Variants in CDH10 observed in about 807,000 individuals in gnomAD.
The protein encoded by CDH10 is cadherin 10.
A neutral mutation model predicts 73.1 loss-of-function variants in CDH10; 30 were observed. That is an observed-to-expected ratio of 0.41 (90% CI 0.31 to 0.56). CDH10 has a LOEUF of 0.56. CDH10 is among the 20% of genes least tolerant of loss of function. The pLI is 0.27. For synonymous variants in CDH10, 345 were observed against 348.2 expected (o/e 0.99, Z 0.10); for missense variants, 815 against 973.7 (o/e 0.84, Z 2.17).
intron 2 of CDH10, among the ~76,000 whole-genome samples, chr5:24,585,192 T>TTTC (rs1745950227): frequency 6.6e-6 from 1 of 152,044 alleles, no homozygotes; most frequent in Non-Finnish European, 1.5e-5. Context: ...ACCTAGCAAG[T>TTTC]AGGCTTCTTC....
intron 1 of CDH10, among the ~76,000 whole-genome samples, chr5:24,600,234 C>T (rs1251941668): frequency 2.0e-5 from 3 of 152,072 alleles, no homozygotes; most frequent in Non-Finnish European, 4.4e-5. Flanking sequence ...TGTGTAAATC[C>T]TTCAATTATT....
At chr5:24,495,755 G>A (rs1742256825) in intron 9 of CDH10, among the ~76,000 whole-genome samples, 1 of 151,674 alleles carries the variant, frequency 6.6e-6, no homozygotes, top group Non-Finnish European at 1.5e-5. Flanking sequence ...GCTGAGGCAG[G>A]AGAATCACTT....
intron 2 of CDH10, among the ~76,000 whole-genome samples, chr5:24,569,065 G>T (rs947607054): frequency 6.6e-6 from 1 of 151,668 alleles, no homozygotes; most frequent in African/African-American, 2.4e-5. Context: ...AGCCGAGATC[G>T]CATCACTGCA....
At chr5:24,569,109 C>CAA (rs35321027) in intron 2 of CDH10, among the ~76,000 whole-genome samples, 172 of 147,326 alleles carry the variant, frequency 1.2e-3, no homozygotes, top group Middle Eastern at 3.5e-3. Context: ...GACTCTGTCT[C>CAA]AAAAAAAAAA....
chr5:24,584,354 G>A (rs184540987), intron 2 of CDH10, among the ~76,000 whole-genome samples: 1 of 151,314 alleles, frequency 6.6e-6, no homozygotes, highest in East Asian at 1.9e-4. Flanking sequence ...TATGTATGAT[G>A]GTGACTTTGA....
intron 5 of CDH10, among the ~76,000 whole-genome samples, chr5:24,532,899 G>C (rs973056108): frequency 9.2e-5 from 14 of 151,822 alleles, no homozygotes; most frequent in Non-Finnish European, 1.8e-4. Context: ...ATGAACTGTA[G>C]AACTCCCTCC....
intron 2 of CDH10, among the ~76,000 whole-genome samples, chr5:24,565,907 GAACA>G (rs1447878262): frequency 6.6e-6 from 1 of 152,034 alleles, no homozygotes; most frequent in African/African-American, 2.4e-5. Flanking sequence ...TTAGCCTCCA[GAACA>G]ATGAGAAAAT....
intron 1 of CDH10, among the ~76,000 whole-genome samples, chr5:24,631,340 A>AT (rs1405702839): frequency 1.3e-5 from 2 of 152,072 alleles, no homozygotes; most frequent in African/African-American, 4.8e-5. Context: ...AATATGGCTT[A>AT]TTTTTTATCA....
rs920008803 is a variant in CDH10 at position 24,487,479 on chromosome 5, A to G, written c.*184T>C. On this transcript the variant is annotated 3_prime_UTR_variant, in exon 12 of 12. Coordinates refer to ENST00000264463, the MANE Select transcript of CDH10 (RefSeq NM_006727.5). ...CTTGGAAGTGATTAAATAAAATGTC[A>G]TATATATTCCATGAGACATCCTACA... 8.6e-6 allele frequency: 5 copies of G among 581,848 alleles called. No individual in the cohort carries two copies. The highest frequency in any genetic ancestry group is 1.5e-5 in the Non-Finnish European group (5 of 327,508). 36.0% of individuals were successfully genotyped at this position (581,848 alleles called of 1,614,324 possible).
In CDH10 at chr5:24,507,768, G is replaced by GA. The variant is rs200228635; in HGVS notation, c.1256+1797dup. On this transcript the variant is annotated intron_variant, in intron 7 of 11. Transcript: ENST00000264463. ...TTATATAAAACTTTCAAAGGAAAAAGAAAAAAAAACACAAGGAATGCAGCA... is the reference window on the plus strand; with the variant it reads ...TTATATAAAACTTTCAAAGGAAAAAGAAAAAAAAAACACAAGGAATGCAGCA... 7.2e-4 allele frequency among the ~76,000 whole-genome samples: 107 copies of GA among 149,382 alleles called. 1 individual carries two copies. Among genetic ancestry groups the GA allele is most frequent in the African/African-American group, 1.5e-3 (60 of 40,722 alleles).
chr5:24,527,101 T>C (rs1402692909), intron 5 of CDH10, among the ~76,000 whole-genome samples: 3 of 150,988 alleles, frequency 2.0e-5, no homozygotes, highest in African/African-American at 7.3e-5. Flanking sequence ...TAGACAATTA[T>C]GGCACTAATC....
intron 1 of CDH10, among the ~76,000 whole-genome samples, chr5:24,610,920 A>G (rs1746924325): frequency 6.6e-6 from 1 of 152,222 alleles, no homozygotes; most frequent in Admixed American, 6.5e-5. Context: ...GAGGCTCAGC[A>G]ATCAGTATTT....
chr5:24,512,700 T>C (rs1164480743), intron 5 of CDH10, among the ~76,000 whole-genome samples: 2 of 152,186 alleles, frequency 1.3e-5, no homozygotes, highest in African/African-American at 2.4e-5. Flanking sequence ...CCTCTACTGC[T>C]AATGAGATTT....
chr5:24,562,402 A>T (rs1011817216), intron 2 of CDH10, among the ~76,000 whole-genome samples: 1 of 152,050 alleles, frequency 6.6e-6, no homozygotes, highest in Non-Finnish European at 1.5e-5. Context: ...TGGTGTCTCA[A>T]ATTTAATTTC....
At chr5:24,541,160 C>A (rs1208410708) in intron 2 of CDH10, among the ~76,000 whole-genome samples, 1 of 151,956 alleles carries the variant, frequency 6.6e-6, no homozygotes, top group Non-Finnish European at 1.5e-5. Context: ...GATACAGGAA[C>A]TAAGTAATAA....
intron 1 of CDH10, among the ~76,000 whole-genome samples, chr5:24,637,355 C>T (rs554656984): frequency 2.0e-5 from 3 of 151,946 alleles, no homozygotes; most frequent in Non-Finnish European, 4.4e-5. Context: ...AAGATGAAAA[C>T]TTAAGACTGT....
chr5:24,597,650 C>T (rs951171800), intron 1 of CDH10, among the ~76,000 whole-genome samples: 1 of 152,008 alleles, frequency 6.6e-6, no homozygotes, highest in African/African-American at 2.4e-5. Flanking sequence ...ATTTGTCTCA[C>T]TGGGTCTCAT....
At chr5:24,561,882 T>C (rs1053753388) in intron 2 of CDH10, among the ~76,000 whole-genome samples, 1 of 152,114 alleles carries the variant, frequency 6.6e-6, no homozygotes, top group Admixed American at 6.6e-5. Context: ...GAGGCCAGGC[T>C]TATGTTTCTC....
chr5:24,551,711 T>C (rs1003774901), intron 2 of CDH10, among the ~76,000 whole-genome samples: 4 of 152,170 alleles, frequency 2.6e-5, no homozygotes, highest in Non-Finnish European at 4.4e-5. Flanking sequence ...ATTCATTTAG[T>C]CATTGATTTT....
Sources: gnomAD v4.1 joint callset for allele counts (sites outside exome capture counted in the v4.1 genomes callset) on GRCh38, gnomAD v4.1.1 for gene constraint, MANE v1.5 for transcripts, NCBI Gene and HGNC (gene_info 2026-07-23, HGNC 2026-07-21) for gene names.